PLA2G4A: variants seen among roughly 807,000 people sequenced by gnomAD.
PLA2G4A encodes phospholipase A2 group IVA.
In PLA2G4A, 40 loss-of-function variants were observed where a neutral mutation model predicts 81.9. The observed-to-expected ratio is 0.49, with a 90% confidence interval of 0.38 to 0.64. PLA2G4A has a LOEUF of 0.64. PLA2G4A is among the 30% of genes least tolerant of loss of function. The pLI is 0.00. For synonymous variants in PLA2G4A, 302 were observed against 296.9 expected, an observed-to-expected ratio of 1.02 and a Z score of -0.18; for missense variants, 715 against 905.1, an observed-to-expected ratio of 0.79 and a Z score of 2.69.
intron 9 of PLA2G4A, 112 bp from the exon 10 acceptor site, chr1:186,939,868 T>G: frequency 1.5e-6 from 1 of 666,876 alleles, no homozygotes; most frequent in Non-Finnish European, 2.7e-6. Flanking sequence ...GTAATAAGAC[T>G]TATTTTTATT....
chr1:186,984,010 C>T (rs1427130595), intron 17 of PLA2G4A, among the ~76,000 whole-genome samples: 2 of 152,106 alleles, frequency 1.3e-5, no homozygotes, highest in African/African-American at 4.8e-5. Context: ...TATTAGTGTT[C>T]ATAGTTTTTG....
intron 7 of PLA2G4A, among the ~76,000 whole-genome samples, chr1:186,912,732 A>ATATATATGTATATT (rs1558429884): frequency 1.4e-5 from 2 of 144,414 alleles, no homozygotes; most frequent in African/African-American, 5.2e-5. Context: ...TTATATATAC[A>ATATATATGTATATT]TATATATACA....
At chr1:186,971,722 A>C (rs1024331941) in intron 15 of PLA2G4A, among the ~76,000 whole-genome samples, 57 of 152,040 alleles carry the variant, frequency 3.7e-4, no homozygotes, top group African/African-American at 1.3e-3. Context: ...GAATTGTTAA[A>C]TTGATAAAAA....
At chr1:186,847,659 A>T (rs1329771951) in intron 1 of PLA2G4A, among the ~76,000 whole-genome samples, 2 of 152,134 alleles carry the variant, frequency 1.3e-5, no homozygotes, top group African/African-American at 4.8e-5. Flanking sequence ...CTTCACAGTT[A>T]TAAAAGCATT....
chr1:186,927,745 G>A (rs1391302372), intron 7 of PLA2G4A, among the ~76,000 whole-genome samples: 1 of 152,188 alleles, frequency 6.6e-6, no homozygotes. Context: ...TAAGTTAAGT[G>A]AAAGTCTAGA....
intron 8 of PLA2G4A, among the ~76,000 whole-genome samples, chr1:186,936,567 C>T (rs1392640274): frequency 1.3e-5 from 2 of 151,962 alleles, no homozygotes. Flanking sequence ...ATCTTAGTTG[C>T]AGATGAGAAT....
At chr1:186,931,398 T>C (rs886917575) in intron 7 of PLA2G4A, among the ~76,000 whole-genome samples, 26 of 152,116 alleles carry the variant, frequency 1.7e-4, no homozygotes, top group Non-Finnish European at 3.5e-4. Flanking sequence ...AGACCACTTG[T>C]TAGAGTACAG....
intron 8 of PLA2G4A, 135 bp downstream of exon 8, chr1:186,933,034 C>A: frequency 1.4e-6 from 1 of 699,072 alleles, no homozygotes; most frequent in South Asian, 1.8e-5. Flanking sequence ...AGTTTGATGC[C>A]ACAATCTGCT....
chr1:186,900,734 A>G (rs937782553), intron 5 of PLA2G4A, among the ~76,000 whole-genome samples: 1 of 152,178 alleles, frequency 6.6e-6, no homozygotes, highest in Non-Finnish European at 1.5e-5. Flanking sequence ...AGCAACACAG[A>G]TAAGATTATG....
At chr1:186,954,433 C>CT (rs1291112181) in intron 13 of PLA2G4A, among the ~76,000 whole-genome samples, 2 of 151,934 alleles carry the variant, frequency 1.3e-5, no homozygotes, top group Non-Finnish European at 2.9e-5. Context: ...ACACCAGGGC[C>CT]TGTCAGGGTG....
intron 7 of PLA2G4A, among the ~76,000 whole-genome samples, chr1:186,923,346 C>T (rs981639706): frequency 5.3e-5 from 8 of 152,276 alleles, no homozygotes; most frequent in South Asian, 2.1e-4. Flanking sequence ...GAAAACTTTT[C>T]GGTAGCAATT....
chr1:186,833,734 C>G (rs529474797), intron 1 of PLA2G4A, among the ~76,000 whole-genome samples: 66 of 152,256 alleles, frequency 4.3e-4, no homozygotes, highest in Non-Finnish European at 9.1e-4. Context: ...TACAGTTTAC[C>G]TTTCCTTATA....
At chr1:186,835,379 T>C (rs1317036012) in intron 1 of PLA2G4A, among the ~76,000 whole-genome samples, 1 of 152,230 alleles carries the variant, frequency 6.6e-6, no homozygotes, top group East Asian at 1.9e-4. Flanking sequence ...GTGGACTTTT[T>C]AAAACATATA....
chr1:186,978,896 G>C (rs570252142), intron 16 of PLA2G4A, among the ~76,000 whole-genome samples: 2 of 152,192 alleles, frequency 1.3e-5, no homozygotes, highest in African/African-American at 4.8e-5. Context: ...AACTTGATCC[G>C]CTGGGAAAGA....
chr1:186,904,626 C>T (rs1268688144), intron 5 of PLA2G4A, among the ~76,000 whole-genome samples: 14 of 152,180 alleles, frequency 9.2e-5, no homozygotes, highest in Non-Finnish European at 1.6e-4. Context: ...GGCAGCACAG[C>T]CTGTAACATT....
chr1:186,854,533 G>C (rs1652484927), intron 2 of PLA2G4A, 146 bp downstream of exon 2: 1 of 577,682 alleles, frequency 1.7e-6, no homozygotes, highest in Non-Finnish European at 3.1e-6. Flanking sequence ...ATACAAAGAG[G>C]CTATGGAACA....
At chr1:186,881,022 G>A (rs1244234068) in intron 3 of PLA2G4A, among the ~76,000 whole-genome samples, 7 of 151,812 alleles carry the variant, frequency 4.6e-5, no homozygotes, top group Non-Finnish European at 1.0e-4. Flanking sequence ...CATTTTTATT[G>A]TATACCAACT....
At chr1:186,877,689 G>A (rs1215226893) in intron 3 of PLA2G4A, among the ~76,000 whole-genome samples, 2 of 104,208 alleles carry the variant, frequency 1.9e-5, no homozygotes, top group Admixed American at 1.5e-4. Flanking sequence ...TAAGACTAAG[G>A]CCTGAGGCTT....
At chr1:186,873,716 T>C (rs1001777127) in intron 3 of PLA2G4A, among the ~76,000 whole-genome samples, 1 of 152,130 alleles carries the variant, frequency 6.6e-6, no homozygotes, top group Non-Finnish European at 1.5e-5. Flanking sequence ...TCTGCACTGT[T>C]AAAACCTCAG....
Sources: allele counts gnomAD v4.1 joint callset (sites outside exome capture counted in the v4.1 genomes callset), GRCh38; gene constraint gnomAD v4.1.1; transcripts MANE v1.5; gene names NCBI Gene and HGNC (gene_info 2026-07-23, HGNC 2026-07-21).